DGKB: variants seen among roughly 807,000 people sequenced by gnomAD.
DGKB encodes diacylglycerol kinase beta.
DGKB carries 67 observed loss-of-function variants against 114.3 expected under a neutral mutation model. That is an observed-to-expected ratio of 0.59 (90% CI 0.48 to 0.72). The LOEUF (loss-of-function observed/expected upper bound fraction) is 0.72. Among genes scored for constraint, DGKB ranks in the 30% least tolerant of loss-of-function variants. The pLI is 0.00. For synonymous variants in DGKB, 398 were observed against 323.1 expected (o/e 1.23, Z -2.49); for missense variants, 907 against 975.2 (o/e 0.93, Z 0.93).
chr7:14,944,555 C>T (rs116195018), intron 1 of DGKB, among the ~76,000 whole-genome samples: 2,144 of 151,884 alleles, frequency 0.014, 45 homozygotes, highest in African/African-American at 0.048. Flanking sequence ...TTCTGTAATA[C>T]GTAAACCGCT....
intron 2 of DGKB, among the ~76,000 whole-genome samples, chr7:14,835,365 C>T (rs1348353715): frequency 6.6e-6 from 1 of 152,200 alleles, no homozygotes; most frequent in Non-Finnish European, 1.5e-5. Context: ...ACTTCACATA[C>T]ATTTCCATAT....
chr7:14,387,015 G>A (rs1230467167), intron 21 of DGKB, among the ~76,000 whole-genome samples: 1 of 151,888 alleles, frequency 6.6e-6, no homozygotes, highest in Non-Finnish European at 1.5e-5. Context: ...GATGCCGAAA[G>A]CAGTCAGGGA....
Position 14,630,146 on chromosome 7 carries a change from A to C in DGKB, c.1167+90T>G, listed in dbSNP as rs945341798. 7 of 768,914 alleles carry C rather than the reference A, an allele frequency of 9.1e-6. No individual in the cohort carries two copies. The African/African-American group carries it at 9.2e-5, about 10-fold the overall frequency. The allele number at this position is 768,914 out of a possible 1,614,324, so 47.6% of individuals were successfully genotyped here. ...TATAACATGCTGGTATTCGAATGTC[A>C]CTGAGCCAGCACAAAATGTTCTTTA... On this transcript the variant is annotated intron_variant, in intron 14 of 25. Transcript: ENST00000402815.
At chr7:14,267,142 T>C (rs769046124) in intron 23 of DGKB, among the ~76,000 whole-genome samples, 2 of 152,198 alleles carry the variant, frequency 1.3e-5, no homozygotes, top group Non-Finnish European at 2.9e-5. Flanking sequence ...TCTTAGAAGA[T>C]TCTATGACTG....
chr7:14,469,235 T>C (rs10950527), intron 21 of DGKB, among the ~76,000 whole-genome samples: 56,077 of 151,866 alleles, frequency 0.37, 10,746 homozygotes, highest in Admixed American at 0.47. Context: ...TCTTCATTTA[T>C]CTTAGATTCT....
At chr7:14,804,608 C>G (rs1281073359) in intron 2 of DGKB, among the ~76,000 whole-genome samples, 2 of 151,884 alleles carry the variant, frequency 1.3e-5, no homozygotes, top group Non-Finnish European at 2.9e-5. Flanking sequence ...AATATCAACT[C>G]TCAACCTCCA....
At chr7:14,835,793 T>C (rs907542909) in intron 2 of DGKB, among the ~76,000 whole-genome samples, 1 of 152,188 alleles carries the variant, frequency 6.6e-6, no homozygotes, top group African/African-American at 2.4e-5. Context: ...TTTATTAACA[T>C]ATCAATCTTC....
chr7:14,852,911 T>C (rs1313412583), intron 1 of DGKB, among the ~76,000 whole-genome samples: 1 of 152,220 alleles, frequency 6.6e-6, no homozygotes, highest in African/African-American at 2.4e-5. Flanking sequence ...CACTATGATA[T>C]AATACATATT....
chr7:14,724,804 T>A (rs377072048), intron 5 of DGKB, among the ~76,000 whole-genome samples: 2 of 152,182 alleles, frequency 1.3e-5, no homozygotes, highest in African/African-American at 2.4e-5. Context: ...AGACAAATCA[T>A]CTCATTCCAA....
At chr7:14,341,780 A>T (rs1342316513) in intron 22 of DGKB, among the ~76,000 whole-genome samples, 1 of 151,874 alleles carries the variant, frequency 6.6e-6, no homozygotes, top group Non-Finnish European at 1.5e-5. Context: ...CAAGCTTTAT[A>T]TGTGACTTTA....
chr7:14,212,111 T>TATTTACTCTCATGTTTTGTGATA (rs775257337), intron 23 of DGKB, among the ~76,000 whole-genome samples: 1 of 1,922 alleles, frequency 5.2e-4, no homozygotes, highest in Non-Finnish European at 8.1e-4. Flanking sequence ...TGTTTTGTGA[T>TATTTACTCTCATGTTTTGTGATA]TTTACTCTCA....
intron 2 of DGKB, among the ~76,000 whole-genome samples, chr7:14,763,292 G>A (rs1012023404): frequency 6.6e-6 from 1 of 151,990 alleles, no homozygotes; most frequent in African/African-American, 2.4e-5. Flanking sequence ...CATCCTCCAT[G>A]GGACACCCCA....
At position 14,478,196 on chromosome 7, in the gene DGKB, G is replaced by A. The variant is rs371618426; in HGVS notation, c.1800C>T (p.Ile600=). ...VDASIAHRFH[I]MREKHPEKFN... ...ATTTCTCTGGGTGTTTTTCTCTCAT[G>A]ATGTGGAATCTGTGTGCAATGGAGG... The change falls in exon 21 of 26, where the codon ATC becomes ATT. Residue 600 remains isoleucine (I), a synonymous_variant. Coordinates refer to ENST00000402815, the MANE Select transcript of DGKB (RefSeq NM_001350709.2). 1.3e-4 allele frequency: 208 copies of A among 1,602,628 alleles called. No homozygotes were observed. Among genetic ancestry groups the A allele is most frequent in the Non-Finnish European group, 1.6e-4 (189 of 1,173,322 alleles).
intron 17 of DGKB, among the ~76,000 whole-genome samples, chr7:14,590,172 AAAC>A (rs145543855): frequency 0.071 from 10,668 of 150,506 alleles, 485 homozygotes; most frequent in African/African-American, 0.13. Context: ...ATAAAAAAAA[AAAC>A]ATTAAAGAGA....
chr7:14,307,137 G>A (rs1444201814), intron 23 of DGKB, among the ~76,000 whole-genome samples: 1 of 152,008 alleles, frequency 6.6e-6, no homozygotes, highest in Non-Finnish European at 1.5e-5. Flanking sequence ...TATAATACTA[G>A]CACAATAATA....
chr7:14,702,830 A>G (rs1479578603), intron 6 of DGKB, among the ~76,000 whole-genome samples: 1 of 152,176 alleles, frequency 6.6e-6, no homozygotes, highest in East Asian at 1.9e-4. Context: ...CTAACATATT[A>G]TTATTAATAA....
At chr7:14,203,830 T>G (rs17764028) in intron 23 of DGKB, among the ~76,000 whole-genome samples, 11,288 of 152,018 alleles carry the variant, frequency 0.074, 564 homozygotes, top group Non-Finnish European at 0.1. Context: ...ATTGGAAGGA[T>G]GTCCAGTTTT....
intron 5 of DGKB, among the ~76,000 whole-genome samples, chr7:14,722,543 G>T (rs773556908): frequency 6.6e-6 from 1 of 152,102 alleles, no homozygotes; most frequent in Non-Finnish European, 1.5e-5. Flanking sequence ...GCCAGGCACC[G>T]GAACTCATGC....
intron 15 of DGKB, among the ~76,000 whole-genome samples, chr7:14,618,017 T>C (rs1585138034): frequency 6.6e-6 from 1 of 151,578 alleles, no homozygotes; most frequent in Non-Finnish European, 1.5e-5. Flanking sequence ...CTCAAAACTA[T>C]AGAGTAACAA....
Sources: allele counts gnomAD v4.1 joint callset (sites outside exome capture counted in the v4.1 genomes callset), GRCh38; gene constraint gnomAD v4.1.1; transcripts MANE v1.5; gene names NCBI Gene and HGNC (gene_info 2026-07-23, HGNC 2026-07-21).